Variants in BNC1 observed in about 807,000 individuals in gnomAD.
The protein encoded by BNC1 is basonuclin zinc finger protein 1.
Under a neutral mutation model 66.5 loss-of-function variants are expected in BNC1, and 8 were observed. The ratio of observed to expected loss-of-function variants is 0.12; its 90% CI spans 0.07 to 0.22. BNC1 has a LOEUF of 0.22. Ranked by LOEUF, BNC1 falls within the 10% of genes least tolerant of loss-of-function variation. The pLI, the probability that BNC1 is intolerant of heterozygous loss-of-function variation, is 1.00. For missense variants in BNC1, 1,069 were observed against 1,241.3 expected (o/e 0.86, Z 2.09); for synonymous variants, 454 against 452.6 (o/e 1.00, Z -0.04).
rs1254481087 is a variant in BNC1, at chr15:83,283,035, G to A, written c.99+1495C>T. 9 of 1,368,602 alleles carry A rather than the reference G, an allele frequency of 6.6e-6. No homozygotes were observed. In the Admixed American group the frequency reaches 1.8e-4, roughly 27 times the overall value. 84.8% of individuals were successfully genotyped at this position (1,368,602 alleles called of 1,614,324 possible). A position where few individuals can be genotyped will look rare whatever the true frequency, so the allele number is the denominator to read the frequency against. ...GAGGCGAGCACAGCCATAAAACCAG[G>A]GGACGTTACCGAACCCCCGAGCGTC... On this transcript the variant is annotated intron_variant, in intron 1 of 4. Transcript: ENST00000345382.
intron 1 of BNC1, among the ~76,000 whole-genome samples, chr15:83,278,594 T>C (rs2038348983): frequency 6.6e-6 from 1 of 152,220 alleles, no homozygotes; most frequent in Non-Finnish European, 1.5e-5. Context: ...TGTGTATCCT[T>C]TGCTATATAA....
At chr15:83,258,661 T>C (rs1329388461) in intron 4 of BNC1, among the ~76,000 whole-genome samples, 3 of 152,156 alleles carry the variant, frequency 2.0e-5, no homozygotes, top group Non-Finnish European at 4.4e-5. Context: ...AGGAGAAAAC[T>C]GGTCACAAAC....
intron 1 of BNC1, among the ~76,000 whole-genome samples, chr15:83,281,945 T>C (rs2038383694): frequency 6.6e-6 from 1 of 152,130 alleles, no homozygotes; most frequent in African/African-American, 2.4e-5. Context: ...CAATAAAACA[T>C]AAAATAGCCC....
chr15:83,257,749 T>C lies in BNC1; in HGVS notation c.2678A>G (p.Asn893Ser). 6.2e-7 allele frequency: 1 copy of C among 1,614,170 alleles called. No homozygotes were observed. The highest frequency in any genetic ancestry group is 1.1e-5 in the South Asian group (1 of 91,076). ...GTVLMEDSDG[N>S]CEGSSLVPGE... ...AGGGACAAGGCTCGACCCTTCACAG[T>C]TCCCATCACTGTCCTCCATAAGCAC... The change falls in exon 5 of 5, where the codon AAC becomes AGC. Residue 893 changes from asparagine (N) to serine (S), a missense_variant. This residue lies in a region of BNC1 where 657 missense variants were observed against 715.8 expected (regional missense o/e 0.92). Coordinates refer to ENST00000345382, the MANE Select transcript of BNC1 (RefSeq NM_001717.4).
Position 83,263,076 on chromosome 15 carries a change from G to C in BNC1, c.2175C>G (p.Cys725Trp). The part of the protein sequence containing the change: ...IEENRFQCDI[C>W]KKTFKNACSV... ...TACAAGCATTTTTAAAGGTCTTCTTGCAGATGTCACACTGGAAGCGATTTT... is the reference window on the plus strand; with the variant it reads ...TACAAGCATTTTTAAAGGTCTTCTTCCAGATGTCACACTGGAAGCGATTTT... The change falls in exon 4 of 5, where the codon TGC becomes TGG. Residue 725 changes from cysteine to tryptophan, a missense_variant. This residue lies in a region of BNC1 where 657 missense variants were observed against 715.8 expected (regional missense o/e 0.92). Coordinates refer to ENST00000345382, the MANE Select transcript of BNC1 (RefSeq NM_001717.4). 1 of 1,614,198 alleles carries C rather than the reference G, an allele frequency of 6.2e-7. No individual in the cohort carries two copies. Among genetic ancestry groups the C allele is most frequent in the Non-Finnish European group, 8.5e-7 (1 of 1,180,018 alleles).
chr15:83,257,556 T>C lies in BNC1; in HGVS notation c.2871A>G (p.Lys957=), dbSNP rs373473889. 19 of 1,614,144 alleles carry C rather than the reference T, an allele frequency of 1.2e-5. No individual in the cohort carries two copies. The African/African-American group carries it at 2.5e-4, about 22-fold the overall frequency. Reference sequence around the variant, plus strand: ...TGGTGTTGCAGCCTGGTACTTTGCATTTGTGGAGCTGCCGGAGGTGCACAG... The same window carrying C: ...TGGTGTTGCAGCCTGGTACTTTGCACTTGTGGAGCTGCCGGAGGTGCACAG... ...YKTVHLRQLH[K]CKVPGCNTMF... is the part of the protein sequence containing the mutation. The change falls in exon 5 of 5, where the codon AAA becomes AAG. Residue 957 remains lysine (K), a synonymous_variant. Transcript: ENST00000345382.
chr15:83,265,462 G>A (rs1163042541), intron 3 of BNC1, among the ~76,000 whole-genome samples: 3 of 152,176 alleles, frequency 2.0e-5, no homozygotes, highest in Admixed American at 2.0e-4. Context: ...TTTTCACAGT[G>A]CATGTAAGAG....
At chr15:83,284,248 G>C (rs1595945421) in intron 1 of BNC1, among the ~76,000 whole-genome samples, 1 of 151,988 alleles carries the variant, frequency 6.6e-6, no homozygotes, top group Non-Finnish European at 1.5e-5. Flanking sequence ...CTGGCCCGCC[G>C]GCACCTCCGA....
In BNC1 at chr15:83,256,158, T is replaced by C. The variant is rs908690777; in HGVS notation, c.*1284A>G. The C allele has an allele frequency of 6.6e-6, 1 of 152,530 alleles. No individual in the cohort carries two copies. Among genetic ancestry groups the C allele is most frequent in the African/African-American group, 2.4e-5 (1 of 41,472 alleles). The allele number at this position is 152,530 out of a possible 1,614,324, so 9.4% of individuals were successfully genotyped here. A position where few individuals can be genotyped will look rare whatever the true frequency, so the allele number is the denominator to read the frequency against. On this transcript the variant is annotated 3_prime_UTR_variant, in exon 5 of 5. Coordinates refer to ENST00000345382, the MANE Select transcript of BNC1 (RefSeq NM_001717.4). Reference sequence around the variant, plus strand: ...ATAACCCTCAACTTTAAGAATGTTTTTTATTACTTACATCAACCACGAATT... The same window carrying C: ...ATAACCCTCAACTTTAAGAATGTTTCTTATTACTTACATCAACCACGAATT...
At chr15:83,283,687 G>A (rs1182267046) in intron 1 of BNC1, among the ~76,000 whole-genome samples, 2 of 152,230 alleles carry the variant, frequency 1.3e-5, no homozygotes, top group East Asian at 1.9e-4. Context: ...CCGGCTTCCA[G>A]CCCAGAGCCC....
intron 1 of BNC1, among the ~76,000 whole-genome samples, chr15:83,271,381 CG>C (rs2038268238): frequency 1.3e-5 from 2 of 152,044 alleles, no homozygotes; most frequent in South Asian, 4.1e-4. Flanking sequence ...TCAGGTGATG[CG>C]GAATAGGGCT....
At chr15:83,277,884 C>T (rs1333341762) in intron 1 of BNC1, among the ~76,000 whole-genome samples, 1 of 152,138 alleles carries the variant, frequency 6.6e-6, no homozygotes, top group Non-Finnish European at 1.5e-5. Context: ...TTTGGAGCTA[C>T]TTTGCCTCTG....
intron 1 of BNC1, among the ~76,000 whole-genome samples, chr15:83,277,282 G>A (rs558436333): frequency 3.4e-4 from 51 of 152,210 alleles, no homozygotes; most frequent in African/African-American, 1.2e-3. Flanking sequence ...GTCTCACTAT[G>A]TTGCTTAGGC....
At chr15:83,262,301 C>T (rs1472078768) in intron 4 of BNC1, among the ~76,000 whole-genome samples, 1 of 152,028 alleles carries the variant, frequency 6.6e-6, no homozygotes, top group Non-Finnish European at 1.5e-5. Context: ...TCTGCCCGCC[C>T]TGGCCTCCCA....
chr15:83,269,510 T>C (rs574200242), intron 1 of BNC1, among the ~76,000 whole-genome samples: 3 of 152,168 alleles, frequency 2.0e-5, no homozygotes, highest in East Asian at 1.9e-4. Context: ...AATCTGCCAA[T>C]TGAGGGACTA....
chr15:83,277,090 CTTTTTT>C (rs991172183), intron 1 of BNC1, among the ~76,000 whole-genome samples: 1 of 152,100 alleles, frequency 6.6e-6, no homozygotes, highest in African/African-American at 2.4e-5. Flanking sequence ...TCAGGATTTT[CTTTTTT>C]TGAGACAGGG....
intron 1 of BNC1, among the ~76,000 whole-genome samples, chr15:83,277,219 G>C (rs1037551879): frequency 6.6e-6 from 1 of 152,060 alleles, no homozygotes; most frequent in African/African-American, 2.4e-5. Context: ...TCACATAGGC[G>C]CATGCCACCA....
At chr15:83,261,624 G>A (rs2038141231) in intron 4 of BNC1, among the ~76,000 whole-genome samples, 1 of 152,208 alleles carries the variant, frequency 6.6e-6, no homozygotes, top group Admixed American at 6.5e-5. Flanking sequence ...AGAGTGGTTA[G>A]GTGACTCAAG....
intron 1 of BNC1, 59 bp from the exon 2 acceptor site, chr15:83,268,291 T>C: frequency 6.2e-6 from 9 of 1,440,998 alleles, no homozygotes; most frequent in Non-Finnish European, 8.8e-6. Flanking sequence ...AAACATTCAT[T>C]GTATTTCAAA....
Sources: gnomAD v4.1 joint callset for allele counts (sites outside exome capture counted in the v4.1 genomes callset) on GRCh38, gnomAD v4.1.1 for gene constraint, gnomAD v4.1.1 regional missense constraint, MANE v1.5 for transcripts, NCBI Gene and HGNC (gene_info 2026-07-23, HGNC 2026-07-21) for gene names.